Variants in CRADD observed in about 807,000 individuals in gnomAD.
CRADD encodes the protein CARD and death domain containing adaptor protein, also known as death domain-containing protein CRADD.
In CRADD, 9 loss-of-function variants were observed where a neutral mutation model predicts 15.5. The ratio of observed to expected loss-of-function variants is 0.58; its 90% CI spans 0.35 to 1.01. The LOEUF (loss-of-function observed/expected upper bound fraction) is 1.01. Ranked by LOEUF, CRADD falls within the 50% of genes least tolerant of loss-of-function variation. The pLI, the probability that CRADD is intolerant of heterozygous loss-of-function variation, is 0.02. For synonymous variants in CRADD, 118 were observed against 107.6 expected (o/e 1.10, Z -0.60); for missense variants, 227 against 250.3 (o/e 0.91, Z 0.63).
chr12:93,792,883 A>C (rs981832535), intron 2 of CRADD, among the ~76,000 whole-genome samples: 5 of 152,210 alleles, frequency 3.3e-5, no homozygotes, highest in African/African-American at 1.2e-4. Context: ...TTTCCATAAA[A>C]TTAAAGTTTC....
chr12:93,690,105 G>T (rs1955532640), intron 2 of CRADD, among the ~76,000 whole-genome samples: 1 of 152,226 alleles, frequency 6.6e-6, no homozygotes, highest in African/African-American at 2.4e-5. Flanking sequence ...TGAGGCAACA[G>T]TGGGGGATCT....
chr12:93,856,306 G>T (rs559992644), intron 2 of CRADD, among the ~76,000 whole-genome samples: 7 of 152,336 alleles, frequency 4.6e-5, no homozygotes, highest in East Asian at 1.9e-4. Context: ...TCTAACAGTT[G>T]TCTACCATTA....
intron 2 of CRADD, among the ~76,000 whole-genome samples, chr12:93,840,056 G>A (rs949085555): frequency 3.9e-4 from 60 of 152,206 alleles, no homozygotes; most frequent in African/African-American, 1.2e-3. Flanking sequence ...TGTTCATGGT[G>A]TGATGCTCTA....
chr12:93,751,693 C>T (rs1002218818), intron 2 of CRADD, among the ~76,000 whole-genome samples: 1 of 152,118 alleles, frequency 6.6e-6, no homozygotes, highest in Non-Finnish European at 1.5e-5. Context: ...GGCAAAACCC[C>T]GTCTCTACTA....
chr12:93,685,918 G>A (rs1286910100), intron 2 of CRADD, among the ~76,000 whole-genome samples: 1 of 151,272 alleles, frequency 6.6e-6, no homozygotes, highest in Non-Finnish European at 1.5e-5. Context: ...GCTTGAACCT[G>A]GCAGGTGGAG....
intron 2 of CRADD, among the ~76,000 whole-genome samples, chr12:93,845,815 C>T (rs1050087694): frequency 6.6e-5 from 10 of 151,942 alleles, no homozygotes; most frequent in Non-Finnish European, 1.2e-4. Flanking sequence ...TAGAATTTGC[C>T]ATTGTAACCA....
intron 2 of CRADD, among the ~76,000 whole-genome samples, chr12:93,732,508 C>G (rs1188511909): frequency 6.6e-6 from 1 of 152,142 alleles, no homozygotes; most frequent in Non-Finnish European, 1.5e-5. Flanking sequence ...TGTCTTAATG[C>G]AGTAGTTATT....
At chr12:93,680,765 G>T (rs1247386036) in intron 2 of CRADD, among the ~76,000 whole-genome samples, 1 of 152,168 alleles carries the variant, frequency 6.6e-6, no homozygotes, top group Non-Finnish European at 1.5e-5. Flanking sequence ...GCATCATATA[G>T]TTGGAAACAA....
chr12:93,691,349 G>A (rs923708293), intron 2 of CRADD, among the ~76,000 whole-genome samples: 8 of 151,782 alleles, frequency 5.3e-5, no homozygotes, highest in African/African-American at 1.9e-4. Context: ...CGCCTCCCGG[G>A]TTCAAGCAAT....
intron 2 of CRADD, among the ~76,000 whole-genome samples, chr12:93,709,803 GGTA>G (rs1255350853): frequency 6.6e-6 from 1 of 152,178 alleles, no homozygotes; most frequent in Non-Finnish European, 1.5e-5. Flanking sequence ...TGGGTCGAAT[GGTA>G]GTTCTGCTTT....
At chr12:93,730,087 G>A (rs990215328) in intron 2 of CRADD, among the ~76,000 whole-genome samples, 2 of 152,112 alleles carry the variant, frequency 1.3e-5, no homozygotes, top group African/African-American at 2.4e-5. Flanking sequence ...ACTGTTTATT[G>A]TCTGCCAAGC....
At chr12:93,745,026 A>G (rs780091055) in intron 2 of CRADD, among the ~76,000 whole-genome samples, 1 of 152,248 alleles carries the variant, frequency 6.6e-6, no homozygotes, top group Non-Finnish European at 1.5e-5. Flanking sequence ...AATTTTGAAT[A>G]AGAAACTGGG....
At chr12:93,725,752 C>T (rs1956352268) in intron 2 of CRADD, among the ~76,000 whole-genome samples, 1 of 152,140 alleles carries the variant, frequency 6.6e-6, no homozygotes, top group Non-Finnish European at 1.5e-5. Flanking sequence ...ATTTATTTTA[C>T]CATTTAGCAT....
intron 2 of CRADD, chr12:93,738,523 CCTT>C (rs879355344): frequency 4.0e-5 from 28 of 699,776 alleles, no homozygotes; most frequent in Non-Finnish European, 7.3e-5. Context: ...CAAAGCAAAT[CCTT>C]CTCTTGGAAG....
chr12:93,824,689 C>T lies in CRADD; in HGVS notation c.299-25281C>T, dbSNP rs1023533214. ...ACCTAGCCTTCTGCCGAGTGGTATT[C>T]CTGAAGCCAGTCACTCTTAGAAGTG... On this transcript the variant is annotated intron_variant, in intron 2 of 2. Coordinates refer to ENST00000332896, the MANE Select transcript of CRADD (RefSeq NM_003805.5). The surrounding 1 kb of genome is among the most constrained non-coding windows in gnomAD (Gnocchi z 4.3). 1.3e-5 allele frequency among the ~76,000 whole-genome samples: 2 copies of T among 152,160 alleles called. No individual in the cohort carries two copies. Among genetic ancestry groups the T allele is most frequent in the Non-Finnish European group, 2.9e-5 (2 of 68,020 alleles).
intron 2 of CRADD, among the ~76,000 whole-genome samples, chr12:93,820,785 A>C (rs140941058): frequency 1.3e-5 from 2 of 152,278 alleles, no homozygotes; most frequent in Non-Finnish European, 2.9e-5. Context: ...TTTCTCTCAG[A>C]TATCACCCCC....
intron 2 of CRADD, among the ~76,000 whole-genome samples, chr12:93,689,984 C>T (rs1426323308): frequency 6.6e-6 from 1 of 152,158 alleles, no homozygotes; most frequent in Non-Finnish European, 1.5e-5. Context: ...TTCTTCTGTT[C>T]AAATAGTAGA....
chr12:93,743,660 G>A (rs1373709598), intron 2 of CRADD, among the ~76,000 whole-genome samples: 1 of 152,162 alleles, frequency 6.6e-6, no homozygotes, highest in Non-Finnish European at 1.5e-5. Flanking sequence ...TTTAGTGAGG[G>A]TGGTGCATGC....
Position 93,887,761 on chromosome 12 carries a change from G to A in CRADD, c.299-6289G>A, listed in dbSNP as rs749544416. Among the ~76,000 whole-genome samples, 10 of 152,320 alleles carry A rather than the reference G, an allele frequency of 6.6e-5. No homozygotes were observed. The East Asian group carries it at 7.7e-4, about 12-fold the overall frequency. On this transcript the variant is annotated intron_variant, in intron 2 of 2. Coordinates refer to the CRADD transcript ENST00000548483. The stretch of plus-strand genomic sequence containing the variant: ...ATAAAATTTACTGAGCACATACTAC[G>A]TGCCTGGCTGTGACTAAGGCACAGG...
Sources: allele counts gnomAD v4.1 joint callset (sites outside exome capture counted in the v4.1 genomes callset), GRCh38; gene constraint gnomAD v4.1.1; non-coding constraint Gnocchi (gnomAD v3.1); transcripts MANE v1.5; gene names NCBI Gene and HGNC (gene_info 2026-07-23, HGNC 2026-07-21).